CPSF3: variants seen among roughly 807,000 people sequenced by gnomAD.
The protein encoded by CPSF3 is cleavage and polyadenylation specific factor 3.
In CPSF3, 57 loss-of-function variants were observed where a neutral mutation model predicts 84.1. That is an observed-to-expected ratio of 0.68 (90% confidence interval 0.55 to 0.85). The LOEUF is 0.85. CPSF3 is among the 40% of genes least tolerant of loss of function. CPSF3 has a pLI of 0.00. For synonymous variants in CPSF3, 275 were observed against 278.1 expected (o/e 0.99, Z 0.11); for missense variants, 522 against 838.8 (o/e 0.62, Z 4.66).
chr2:9,445,511 T>TTATTTGCCACTGG (rs2124830810), intron 10 of CPSF3, among the ~76,000 whole-genome samples: 1 of 152,346 alleles, frequency 6.6e-6, no homozygotes, highest in Admixed American at 6.5e-5. Flanking sequence ...ATGATAGGCC[T>TTATTTGCCACTGG]CACAGGTATT....
At chr2:9,457,145 A>ATTTG in intron 14 of CPSF3, 118 bp downstream of exon 14, 1 of 475,230 alleles carries the variant, frequency 2.1e-6, no homozygotes, top group Non-Finnish European at 3.7e-6. Flanking sequence ...GTTGGAAAGT[A>ATTTG]TATGTGTGTG....
chr2:9,455,946 C>T lies in CPSF3; in HGVS notation c.1603+189C>T, dbSNP rs186813590. 4.6e-4 allele frequency among the ~76,000 whole-genome samples: 70 copies of T among 151,624 alleles called. 1 individual carries two copies. The highest frequency in any genetic ancestry group is 4.4e-4 in the Non-Finnish European group (30 of 67,948). ...AATATACACTCATATTCTTGCCTGACGGTCCTGGGAAAAAAATAAAAACTT... is the reference window on the plus strand; with the variant it reads ...AATATACACTCATATTCTTGCCTGATGGTCCTGGGAAAAAAATAAAAACTT... On this transcript the variant is annotated intron_variant, in intron 13 of 17. Coordinates refer to ENST00000238112, the MANE Select transcript of CPSF3 (RefSeq NM_016207.4).
At chr2:9,456,107 C>A (rs1681517705) in intron 13 of CPSF3, among the ~76,000 whole-genome samples, 1 of 152,064 alleles carries the variant, frequency 6.6e-6, no homozygotes, top group Non-Finnish European at 1.5e-5. Flanking sequence ...AAAATTTTAT[C>A]TGTTTCTTTT....
chr2:9,427,575 G>A (rs1400880049), intron 1 of CPSF3, among the ~76,000 whole-genome samples: 4 of 152,168 alleles, frequency 2.6e-5, no homozygotes, highest in South Asian at 2.1e-4. Context: ...AATTTATGGC[G>A]GCTCTCATCC....
At chr2:9,430,674 A>C in intron 3 of CPSF3, 78 bp from the exon 4 acceptor site, 1 of 1,378,972 alleles carries the variant, frequency 7.3e-7, no homozygotes, top group Non-Finnish European at 1.0e-6. Flanking sequence ...CTTGTTTTGT[A>C]CAGTAAGCAA....
At chr2:9,451,356 G>A (rs1317770640) in intron 11 of CPSF3, among the ~76,000 whole-genome samples, 2 of 152,154 alleles carry the variant, frequency 1.3e-5, no homozygotes, top group African/African-American at 2.4e-5. Flanking sequence ...AACAAATATA[G>A]CACTGCCTGG....
At chr2:9,465,563 A>ACGCG (rs70948818) in intron 15 of CPSF3, among the ~76,000 whole-genome samples, 1 of 147,626 alleles carries the variant, frequency 6.8e-6, no homozygotes, top group African/African-American at 2.6e-5. Context: ...ACACACACAC[A>ACGCG]CGCGCGCGCG....
chr2:9,445,085 A>G (rs548712533), intron 10 of CPSF3, among the ~76,000 whole-genome samples: 37 of 152,212 alleles, frequency 2.4e-4, no homozygotes, highest in Non-Finnish European at 5.0e-4. Context: ...GTGTTGTACA[A>G]CCATCACCAC....
rs1176083353 is a variant in CPSF3, at chr2:9,459,894, C to T, written c.1786+276C>T. Among the ~76,000 whole-genome samples the T allele has an allele frequency of 6.6e-5, 10 of 151,852 alleles. No individual in the cohort carries two copies. The South Asian group carries it at 1.2e-3, about 19-fold the overall frequency. On this transcript the variant is annotated intron_variant, in intron 15 of 17. Transcript: ENST00000238112. ...TGAACTCCTGACCTCGTGATCCGCCCGCCTCAGCCTTCCAAAGTGCTGGGA... is the reference window on the plus strand; with the variant it reads ...TGAACTCCTGACCTCGTGATCCGCCTGCCTCAGCCTTCCAAAGTGCTGGGA...
intron 16 of CPSF3, among the ~76,000 whole-genome samples, chr2:9,468,357 G>T (rs1682045447): frequency 6.6e-6 from 1 of 152,108 alleles, no homozygotes; most frequent in Non-Finnish European, 1.5e-5. Context: ...CTCCCAAGTA[G>T]CTGGGATCAC....
chr2:9,431,529 A>ATAT (rs1553342542), intron 4 of CPSF3, among the ~76,000 whole-genome samples: 9 of 131,702 alleles, frequency 6.8e-5, no homozygotes, highest in East Asian at 2.1e-4. Flanking sequence ...AAATATACAT[A>ATAT]TTTTTTTTTT....
chr2:9,430,710 G>A (rs770648050), intron 3 of CPSF3, 42 bp from the exon 4 acceptor site: 4 of 1,574,602 alleles, frequency 2.5e-6, no homozygotes, highest in Non-Finnish European at 3.4e-6. Flanking sequence ...GTATCTGATG[G>A]ATAATAATTT....
chr2:9,470,867 CCT>C (rs767841583), intron 16 of CPSF3, among the ~76,000 whole-genome samples: 3 of 152,162 alleles, frequency 2.0e-5, no homozygotes, highest in Non-Finnish European at 4.4e-5. Flanking sequence ...GTGTATTTTC[CCT>C]GTTTTATAAA....
In CPSF3 at chr2:9,457,237, C is replaced by G. The variant is rs111632338; in HGVS notation, c.1698+210C>G. ...GTATAATTAAGTAGCTGAGCATTTT[C>G]TATGTAGTCACAAAAAAACCTAATA... On this transcript the variant is annotated intron_variant, in intron 14 of 17. Coordinates refer to ENST00000238112, the MANE Select transcript of CPSF3 (RefSeq NM_016207.4). 6.4e-4 allele frequency among the ~76,000 whole-genome samples: 96 copies of G among 148,948 alleles called. 1 individual carries two copies. The highest frequency in any genetic ancestry group is 2.3e-3 in the African/African-American group (94 of 40,714).
rs1222177622 is a variant in CPSF3, at chr2:9,460,663, T to TTTTC, written c.1786+1061_1786+1064dup. Among the ~76,000 whole-genome samples, 187 of 151,916 alleles carry TTTTC rather than the reference T, an allele frequency of 1.2e-3. 3 individuals carry two copies. The highest frequency in any genetic ancestry group is 3.3e-3 in the African/African-American group (137 of 41,452). On this transcript the variant is annotated intron_variant, in intron 15 of 17. Transcript: ENST00000238112. ...TAAGTCAGCATAATATATGTCTTTT[T>TTTTC]TTTCTTTCTTTCTTTCTTTTTTTTT...
At chr2:9,467,224 A>G in intron 15 of CPSF3, among the ~76,000 whole-genome samples, 1 of 152,144 alleles carries the variant, frequency 6.6e-6, no homozygotes, top group Non-Finnish European at 1.5e-5. Context: ...GAGTAATTTA[A>G]TGGGCAAGTC....
chr2:9,434,954 T>A (rs1680723123), intron 6 of CPSF3, among the ~76,000 whole-genome samples: 1 of 152,252 alleles, frequency 6.6e-6, no homozygotes, highest in Non-Finnish European at 1.5e-5. Context: ...AAGCAACATG[T>A]GAGCAGATTA....
Position 9,442,783 on chromosome 2 carries a change from C to T in CPSF3, c.1096-732C>T, listed in dbSNP as rs141643595. ...AGGGAGAATTGCTTGAAACTGGAGG[C>T]GGAGGTTGCAGTCAGCCGAGATTGG... On this transcript the variant is annotated intron_variant, in intron 9 of 17. Coordinates refer to ENST00000238112, the MANE Select transcript of CPSF3 (RefSeq NM_016207.4). Among the ~76,000 whole-genome samples, 573 of 149,764 alleles carry T rather than the reference C, an allele frequency of 3.8e-3. 2 individuals are homozygous for T. Among genetic ancestry groups the T allele is most frequent in the African/African-American group, 0.013 (536 of 40,424 alleles).
chr2:9,429,900 A>G (rs769598283), intron 2 of CPSF3, 23 bp from the exon 3 acceptor site: 3 of 1,478,618 alleles, frequency 2.0e-6, no homozygotes, highest in Non-Finnish European at 2.8e-6. Context: ...GGAGATTGTG[A>G]TCTCTTTTCC....
Sources: gnomAD v4.1 joint callset for allele counts (sites outside exome capture counted in the v4.1 genomes callset) on GRCh38, gnomAD v4.1.1 for gene constraint, MANE v1.5 for transcripts, NCBI Gene and HGNC (gene_info 2026-07-23, HGNC 2026-07-21) for gene names.